Variants in TMEFF1 observed in about 807,000 individuals in gnomAD.
TMEFF1 encodes the protein transmembrane protein with EGF like and two follistatin like domains 1.
TMEFF1 carries 20 observed loss-of-function variants against 47.5 expected under a neutral mutation model. That is an observed-to-expected ratio of 0.42 (90% CI 0.30 to 0.61). The LOEUF (loss-of-function observed/expected upper bound fraction) is 0.61. Ranked by LOEUF, TMEFF1 falls within the 20% of genes least tolerant of loss-of-function variation. TMEFF1 has a pLI of 0.19. For synonymous variants in TMEFF1, 162 were observed against 166.3 expected, an observed-to-expected ratio of 0.97 and a Z score of 0.20; for missense variants, 411 against 471.1, an observed-to-expected ratio of 0.87 and a Z score of 1.18.
At chr9:100,505,605 A>G (rs888591624) in intron 2 of TMEFF1, among the ~76,000 whole-genome samples, 3 of 152,192 alleles carry the variant, frequency 2.0e-5, no homozygotes, top group Non-Finnish European at 4.4e-5. Context: ...CCAGAGAGAC[A>G]TTCAGAAGTT....
intron 2 of TMEFF1, among the ~76,000 whole-genome samples, chr9:100,503,035 G>A (rs1446021969): frequency 6.6e-6 from 1 of 152,140 alleles, no homozygotes; most frequent in Admixed American, 6.5e-5. Flanking sequence ...TTATAAATCT[G>A]TTCAGGGTAG....
intron 5 of TMEFF1, among the ~76,000 whole-genome samples, chr9:100,530,949 T>C: frequency 6.6e-6 from 1 of 151,982 alleles, no homozygotes; most frequent in Non-Finnish European, 1.5e-5. Flanking sequence ...AATCAATAAA[T>C]GTAATCCAGC....
chr9:100,534,748 A>C (rs73655587), intron 5 of TMEFF1, among the ~76,000 whole-genome samples: 4,095 of 152,246 alleles, frequency 0.027, 186 homozygotes, highest in African/African-American at 0.093. Flanking sequence ...CATACATTTG[A>C]TCAAGGCATT....
At chr9:100,560,881 A>C (rs1430936908) in intron 7 of TMEFF1, among the ~76,000 whole-genome samples, 1 of 152,210 alleles carries the variant, frequency 6.6e-6, no homozygotes, top group African/African-American at 2.4e-5. Flanking sequence ...CTTGGGAAAA[A>C]AATCAATGTG....
At chr9:100,518,471 A>G in intron 5 of TMEFF1, 1 of 985,476 alleles carries the variant, frequency 1.0e-6, no homozygotes. Flanking sequence ...AGGGCTTACC[A>G]ATAGTAAGGA....
intron 2 of TMEFF1, among the ~76,000 whole-genome samples, chr9:100,499,213 C>T (rs550138650): frequency 1.1e-4 from 16 of 152,208 alleles, no homozygotes; most frequent in African/African-American, 3.9e-4. Flanking sequence ...TCCTTTTCTT[C>T]TCCTTCTAGT....
chr9:100,547,618 G>A (rs900570570), intron 5 of TMEFF1, 126 bp from the exon 6 acceptor site: 1 of 1,164,936 alleles, frequency 8.6e-7, no homozygotes, highest in Non-Finnish European at 1.1e-6. Flanking sequence ...GCTTTCATCA[G>A]TGACTTAAAA....
rs555012872 is a variant in TMEFF1, at chr9:100,490,925, C to T, written c.197-7840C>T. The stretch of plus-strand genomic sequence containing the variant: ...TGAAATGAGTTTCACTATATTGTCC[C>T]GGCTGATCTTCAACTCCTGGTCCTT... On this transcript the variant is annotated intron_variant, in intron 1 of 9. Transcript: ENST00000374879. Among the ~76,000 whole-genome samples the T allele has an allele frequency of 1.3e-4, 20 of 150,668 alleles. No individual in the cohort carries two copies. In the South Asian group the frequency reaches 2.7e-3, roughly 21 times the overall value.
At chr9:100,474,542 T>C (rs1837187035) in intron 1 of TMEFF1, among the ~76,000 whole-genome samples, 1 of 151,968 alleles carries the variant, frequency 6.6e-6, no homozygotes, top group Non-Finnish European at 1.5e-5. Flanking sequence ...CGAACCCCAT[T>C]TATGTCTTTT....
At chr9:100,535,721 G>T (rs1209807736) in intron 5 of TMEFF1, among the ~76,000 whole-genome samples, 1 of 152,174 alleles carries the variant, frequency 6.6e-6, no homozygotes. Flanking sequence ...CTGAGATTGT[G>T]CCACTGCACT....
At chr9:100,477,061 C>T (rs1278292224) in intron 1 of TMEFF1, among the ~76,000 whole-genome samples, 1 of 152,142 alleles carries the variant, frequency 6.6e-6, no homozygotes, top group Non-Finnish European at 1.5e-5. Context: ...GGTTTTGGAC[C>T]ATCATTTCAG....
chr9:100,517,450 C>T lies in TMEFF1; in HGVS notation c.560+679C>T, dbSNP rs1291579232. Reference sequence around the variant, plus strand: ...ATTTTTGGTGTGTATTTTCCAGTTCCGTATTTATTCAGCCCGTAACTGCAT... The same window carrying T: ...ATTTTTGGTGTGTATTTTCCAGTTCTGTATTTATTCAGCCCGTAACTGCAT... On this transcript the variant is annotated intron_variant, in intron 5 of 9. Coordinates refer to ENST00000374879, the MANE Select transcript of TMEFF1 (RefSeq NM_003692.5). 3.9e-5 allele frequency among the ~76,000 whole-genome samples: 6 copies of T among 152,050 alleles called. No individual in the cohort carries two copies. The East Asian group carries it at 5.8e-4, about 15-fold the overall frequency.
chr9:100,550,058 G>T (rs1251034792), intron 6 of TMEFF1, 37 bp from the exon 7 acceptor site: 1 of 1,593,174 alleles, frequency 6.3e-7, no homozygotes, highest in Non-Finnish European at 8.5e-7. Flanking sequence ...CTTAACCATT[G>T]TATATATTTT....
intron 5 of TMEFF1, 22 bp from the exon 6 acceptor site, chr9:100,547,721 GT>G (rs1838762276): frequency 6.8e-7 from 1 of 1,464,088 alleles, no homozygotes; most frequent in African/African-American, 1.4e-5. Flanking sequence ...TAAAATATAG[GT>G]AATTTTTGTC....
chr9:100,537,069 T>C (rs992817298), intron 5 of TMEFF1, among the ~76,000 whole-genome samples: 3 of 152,172 alleles, frequency 2.0e-5, no homozygotes, highest in Admixed American at 2.0e-4. Flanking sequence ...GAGATAAATG[T>C]GAAGTCCTAA....
At chr9:100,557,489 G>C (rs12236970) in intron 7 of TMEFF1, among the ~76,000 whole-genome samples, 37,172 of 151,816 alleles carry the variant, frequency 0.24, 5,267 homozygotes, top group African/African-American at 0.38. Flanking sequence ...TATACCCTTC[G>C]CCAGTCTGAA....
In TMEFF1 at chr9:100,507,030, C is replaced by T. The variant is rs376562489; in HGVS notation, c.307-1975C>T. Among the ~76,000 whole-genome samples, 6 of 152,172 alleles carry T rather than the reference C, an allele frequency of 3.9e-5. No homozygotes were observed. The East Asian group carries it at 1.2e-3, about 29-fold the overall frequency. On this transcript the variant is annotated intron_variant, in intron 2 of 9. Transcript: ENST00000374879. Reference sequence around the variant, plus strand: ...CAGTGCTTGCCTTTCTCCCTCTCTCCCCACTGTAGTAGTGTCCAGTGTCTG... The same window carrying T: ...CAGTGCTTGCCTTTCTCCCTCTCTCTCCACTGTAGTAGTGTCCAGTGTCTG...
chr9:100,479,536 C>T (rs547277823), intron 1 of TMEFF1, among the ~76,000 whole-genome samples: 70 of 152,288 alleles, frequency 4.6e-4, no homozygotes, highest in Non-Finnish European at 6.9e-4. Context: ...CCACATTCCT[C>T]GCCTCCCCAG....
chr9:100,491,693 A>G (rs565954660), intron 1 of TMEFF1, among the ~76,000 whole-genome samples: 1 of 152,304 alleles, frequency 6.6e-6, no homozygotes, highest in East Asian at 1.9e-4. Flanking sequence ...CATTTACTAT[A>G]CAGTAGGGAT....
Sources: allele counts gnomAD v4.1 joint callset (sites outside exome capture counted in the v4.1 genomes callset), GRCh38; gene constraint gnomAD v4.1.1; transcripts MANE v1.5; gene names NCBI Gene and HGNC (gene_info 2026-07-23, HGNC 2026-07-21).